Variants in RFX7 observed in about 807,000 individuals in gnomAD.
RFX7 encodes the protein regulatory factor X7.
A neutral mutation model predicts 111.8 loss-of-function variants in RFX7; 26 were observed. That is an observed-to-expected ratio of 0.23 (90% CI 0.17 to 0.32). The LOEUF (loss-of-function observed/expected upper bound fraction) is 0.32, where lower values mean the gene tolerates loss of function less well. Among genes scored for constraint, RFX7 ranks in the 10% least tolerant of loss-of-function variants. RFX7 has a pLI of 1.00. For missense variants in RFX7, 1,573 were observed against 1,772.9 expected (o/e 0.89, Z 2.02); for synonymous variants, 624 against 624.4 (o/e 1.00, Z 0.01).
chr15:56,124,172 C>T (rs1280670283), intron 5 of RFX7, among the ~76,000 whole-genome samples: 3 of 152,088 alleles, frequency 2.0e-5, no homozygotes, highest in African/African-American at 4.8e-5. Flanking sequence ...CCTGTAAGCC[C>T]AACACTTTGG....
At chr15:56,229,958 C>T (rs2043531698) in intron 2 of RFX7, among the ~76,000 whole-genome samples, 1 of 152,054 alleles carries the variant, frequency 6.6e-6, no homozygotes, top group Non-Finnish European at 1.5e-5. Flanking sequence ...TTCTTCCATA[C>T]TTCCCAAATA....
At chr15:56,199,772 C>T (rs16976813) in intron 2 of RFX7, among the ~76,000 whole-genome samples, 13 of 151,840 alleles carry the variant, frequency 8.6e-5, no homozygotes, top group Non-Finnish European at 1.3e-4. Context: ...TCATTTTTCC[C>T]GAGGCATACT....
At position 56,109,235 on chromosome 15, in the gene RFX7, A is replaced by G. The variant is rs556584374; in HGVS notation, c.402-5565T>C. ...TGGTTTTCGTATTTTTTGGGTGGAG[A>G]CGGGGTTTCGCTGTGTTGGCCAGGC... On this transcript the variant is annotated intron_variant, in intron 5 of 9. Coordinates refer to ENST00000559447, the MANE Select transcript of RFX7 (RefSeq NM_022841.7). 3.9e-5 allele frequency among the ~76,000 whole-genome samples: 6 copies of G among 152,242 alleles called. No individual in the cohort carries two copies. In the South Asian group the frequency reaches 1.2e-3, roughly 32 times the overall value.
At chr15:56,186,240 A>C (rs903545192) in intron 2 of RFX7, among the ~76,000 whole-genome samples, 1 of 152,148 alleles carries the variant, frequency 6.6e-6, no homozygotes, top group Non-Finnish European at 1.5e-5. Flanking sequence ...TTCAGGTTCT[A>C]TGCTTTAGTT....
chr15:56,138,985 G>A (rs1417020849), intron 5 of RFX7, among the ~76,000 whole-genome samples: 23 of 152,082 alleles, frequency 1.5e-4, no homozygotes, highest in African/African-American at 4.8e-4. Flanking sequence ...CGAGAGATCC[G>A]CTGTTAGTCT....
chr15:56,180,220 T>A (rs1460189846), intron 2 of RFX7, among the ~76,000 whole-genome samples: 5 of 152,158 alleles, frequency 3.3e-5, no homozygotes, highest in South Asian at 4.1e-4. Context: ...ATAAAAAAAA[T>A]TAGTATTTAA....
At chr15:56,170,386 GT>G (rs1290001884) in intron 3 of RFX7, among the ~76,000 whole-genome samples, 18 of 152,154 alleles carry the variant, frequency 1.2e-4, no homozygotes, top group Non-Finnish European at 2.5e-4. Context: ...CTAGAATAGA[GT>G]TTCTTAACCT....
intron 2 of RFX7, among the ~76,000 whole-genome samples, chr15:56,181,546 C>T (rs909536610): frequency 6.6e-6 from 1 of 151,194 alleles, no homozygotes; most frequent in Non-Finnish European, 1.5e-5. Context: ...GTAAGGAGTT[C>T]AATAAAATCT....
At chr15:56,142,528 T>C (rs2042414306) in intron 5 of RFX7, among the ~76,000 whole-genome samples, 1 of 152,174 alleles carries the variant, frequency 6.6e-6, no homozygotes, top group Admixed American at 6.5e-5. Context: ...ACCACTGTCC[T>C]TGCACTCTCT....
intron 5 of RFX7, among the ~76,000 whole-genome samples, chr15:56,141,785 G>A (rs2141023336): frequency 6.6e-6 from 1 of 150,896 alleles, no homozygotes; most frequent in South Asian, 2.1e-4. Flanking sequence ...TAGACTGAAT[G>A]AATGAACAAG....
At chr15:56,180,297 C>G (rs189998616) in intron 2 of RFX7, among the ~76,000 whole-genome samples, 35 of 152,094 alleles carry the variant, frequency 2.3e-4, no homozygotes, top group African/African-American at 7.9e-4. Flanking sequence ...ATTTCATTTT[C>G]TAAACAATAA....
At chr15:56,156,341 A>C (rs951374265) in intron 3 of RFX7, among the ~76,000 whole-genome samples, 2 of 152,100 alleles carry the variant, frequency 1.3e-5, no homozygotes, top group Non-Finnish European at 2.9e-5. Context: ...GAATGTGCAC[A>C]TGCATGCATC....
intron 5 of RFX7, among the ~76,000 whole-genome samples, chr15:56,134,414 AT>A (rs1413228662): frequency 6.6e-6 from 1 of 152,028 alleles, no homozygotes; most frequent in African/African-American, 2.4e-5. Flanking sequence ...TCTTAGTGAA[AT>A]TTTTTGAACT....
At chr15:56,243,049 G>A (rs923104943) in intron 2 of RFX7, 76 bp downstream of exon 2, 2 of 476,992 alleles carry the variant, frequency 4.2e-6, no homozygotes, top group Non-Finnish European at 3.8e-6. Flanking sequence ...CGCTCCCCCC[G>A]CCCGCCGCCC....
At chr15:56,214,701 C>T (rs1358319116) in intron 2 of RFX7, among the ~76,000 whole-genome samples, 3 of 133,188 alleles carry the variant, frequency 2.3e-5, no homozygotes, top group East Asian at 4.8e-4. Flanking sequence ...GGCAAAAGAG[C>T]GAGACTCTGT....
Position 56,094,691 on chromosome 15 carries a change from C to T in RFX7, c.3037G>A (p.Val1013Ile), listed in dbSNP as rs1209033530. 2 of 1,613,844 alleles carry T rather than the reference C, an allele frequency of 1.2e-6. No individual in the cohort carries two copies. Among genetic ancestry groups the T allele is most frequent in the South Asian group, 2.2e-5 (2 of 91,064 alleles). ...CTGCATTCAACAGGGCTGGGGGGGA[C>T]ACTACTGCTGCAGTTAGAATGTGGA... is the stretch of plus-strand genomic sequence containing the variant. ...GTPHSNCSSS[V>I]PPSPVECRNP... is the part of the protein sequence containing the mutation. The change falls in exon 10 of 10, where the codon GTC becomes ATC. Residue 1013 changes from valine (V) to isoleucine (I), a missense_variant. Val to Ile is a conservative substitution (Grantham distance 29, BLOSUM62 3). Coordinates refer to ENST00000559447, the MANE Select transcript of RFX7 (RefSeq NM_022841.7).
intron 3 of RFX7, among the ~76,000 whole-genome samples, chr15:56,173,545 C>T (rs531684457): frequency 6.6e-6 from 1 of 152,324 alleles, no homozygotes; most frequent in South Asian, 2.1e-4. Context: ...GTTTGGGAAG[C>T]CACGGCAAGT....
chr15:56,121,729 T>C (rs929679712), intron 5 of RFX7, among the ~76,000 whole-genome samples: 1 of 152,218 alleles, frequency 6.6e-6, no homozygotes, highest in African/African-American at 2.4e-5. Context: ...TATTGTTTTT[T>C]TGTCTCCCTC....
Position 56,094,936 on chromosome 15 carries a change from C to G in RFX7, c.2792G>C (p.Ser931Thr). The G allele has an allele frequency of 6.3e-7, 1 of 1,594,410 alleles. No individual in the cohort carries two copies. The highest frequency in any genetic ancestry group is 8.5e-7 in the Non-Finnish European group (1 of 1,170,310). The change falls in exon 10 of 10, where the codon AGC (serine) becomes ACC (threonine). Residue 931 changes from serine (S) to threonine (T), a missense_variant. Ser to Thr is a moderately conservative substitution (Grantham distance 58, BLOSUM62 1). Transcript: ENST00000559447. ...GTGGATTGGATGATAGAAGTGGGTG[C>G]TGGAAGTGTGAGATGACATTGGAGC... is the stretch of plus-strand genomic sequence containing the variant. ...PGAPMSSHTS[S>T]THFYHPIHSN...
Sources: gnomAD v4.1 joint callset for allele counts (sites outside exome capture counted in the v4.1 genomes callset) on GRCh38, gnomAD v4.1.1 for gene constraint, MANE v1.5 for transcripts, NCBI Gene and HGNC (gene_info 2026-07-23, HGNC 2026-07-21) for gene names.